The following TRPS1 variants were observed in gnomAD, a reference collection of about 807,000 sequenced individuals.
TRPS1 encodes the protein transcriptional repressor GATA binding 1, also known as zinc finger transcription factor Trps1.
TRPS1 carries 6 observed loss-of-function variants against 101.2 expected under a neutral mutation model. The ratio of observed to expected loss-of-function variants is 0.06; its 90% confidence interval spans 0.03 to 0.12. TRPS1 has a LOEUF of 0.12. Ranked by LOEUF, TRPS1 falls within the 10% of genes least tolerant of loss-of-function variation. The pLI is 1.00. For missense variants in TRPS1, 1,363 were observed against 1,567.0 expected (o/e 0.87, Z 2.20); for synonymous variants, 578 against 589.8 (o/e 0.98, Z 0.29).
chr8:115,507,009 G>A (rs1039611966), intron 5 of TRPS1, among the ~76,000 whole-genome samples: 17 of 152,000 alleles, frequency 1.1e-4, no homozygotes, highest in African/African-American at 4.1e-4. Context: ...AATAAAGATG[G>A]CTTAGTTTTA....
At chr8:115,627,488 C>A (rs1311935799) in intron 1 of TRPS1, among the ~76,000 whole-genome samples, 1 of 151,744 alleles carries the variant, frequency 6.6e-6, no homozygotes, top group Non-Finnish European at 1.5e-5. Context: ...CCAAGCACAG[C>A]ACTTAAATTC....
At chr8:115,421,286 C>A (rs2129782423) in intron 5 of TRPS1, among the ~76,000 whole-genome samples, 1 of 152,258 alleles carries the variant, frequency 6.6e-6, no homozygotes, top group South Asian at 2.1e-4. Context: ...TGCCCCGCTA[C>A]TGTGATTCTT....
In TRPS1 at chr8:115,632,474, G is replaced by A. The variant is rs533676179; in HGVS notation, c.-121-8716C>T. ...CCAGAAGTTTAATTTTAAAATGCGC[G>A]TACACACACAAACACACGTGCACAC... is the stretch of plus-strand genomic sequence containing the variant. On this transcript the variant is annotated intron_variant, in intron 1 of 6. Coordinates refer to ENST00000395715, the MANE Select transcript of TRPS1 (RefSeq NM_014112.5). Among the ~76,000 whole-genome samples the A allele has an allele frequency of 7.6e-4, 115 of 151,914 alleles. 1 individual carries two copies. The highest frequency in any genetic ancestry group is 2.4e-3 in the African/African-American group (100 of 41,448).
rs1388537069 is a variant in TRPS1, at chr8:115,587,412, T to C, written c.2289A>G (p.Leu763=). The C allele has an allele frequency of 1.2e-6, 2 of 1,614,078 alleles. No individual in the cohort carries two copies. Among genetic ancestry groups the C allele is most frequent in the Non-Finnish European group, 1.7e-6 (2 of 1,180,012 alleles). ...GCTCTCCCATTTTAGAGTCTGGAGTTAGCAGATTGTAGACCCTGAAGTCAA... is the reference window on the plus strand; with the variant it reads ...GCTCTCCCATTTTAGAGTCTGGAGTCAGCAGATTGTAGACCCTGAAGTCAA... ...PKIDFRVYNL[L]TPDSKMGEPV... Residue 763 remains leucine (L), a synonymous_variant, in exon 5 of 7, where the codon CTA becomes CTG. Transcript: ENST00000395715.
chr8:115,489,518 G>C (rs1814968858), intron 5 of TRPS1, among the ~76,000 whole-genome samples: 1 of 152,096 alleles, frequency 6.6e-6, no homozygotes, highest in Non-Finnish European at 1.5e-5. Flanking sequence ...TACTAATAAA[G>C]AGTTGGATTT....
chr8:115,584,218 T>A (rs185942028), intron 5 of TRPS1, among the ~76,000 whole-genome samples: 2 of 152,050 alleles, frequency 1.3e-5, no homozygotes, highest in African/African-American at 4.8e-5. Context: ...ATTCTTGATA[T>A]CACTCTGTAT....
intron 5 of TRPS1, among the ~76,000 whole-genome samples, chr8:115,540,880 TG>T (rs1469058840): frequency 6.6e-6 from 1 of 152,016 alleles, no homozygotes; most frequent in Non-Finnish European, 1.5e-5. Flanking sequence ...AATTTTCAAA[TG>T]CTTATGATCT....
At chr8:115,657,453 G>T (rs1376022735) in intron 1 of TRPS1, among the ~76,000 whole-genome samples, 1 of 152,108 alleles carries the variant, frequency 6.6e-6, no homozygotes, top group African/African-American at 2.4e-5. Flanking sequence ...GCCTGTGACT[G>T]ATGTTATTGA....
chr8:115,650,161 T>G (rs917765210), intron 1 of TRPS1, among the ~76,000 whole-genome samples: 5 of 152,232 alleles, frequency 3.3e-5, no homozygotes. Context: ...TTAACTAGCA[T>G]GTACTCTACA....
At chr8:115,641,977 T>C (rs918574803) in intron 1 of TRPS1, among the ~76,000 whole-genome samples, 4 of 152,202 alleles carry the variant, frequency 2.6e-5, no homozygotes, top group Admixed American at 2.6e-4. Flanking sequence ...TTTGGGAGAC[T>C]GAGATGGGAA....
chr8:115,550,076 G>T (rs1332958237), intron 5 of TRPS1, among the ~76,000 whole-genome samples: 1 of 152,068 alleles, frequency 6.6e-6, no homozygotes, highest in Non-Finnish European at 1.5e-5. Context: ...AATTAGCCAG[G>T]CGTGGTGGTG....
At chr8:115,553,148 A>C (rs1468030676) in intron 5 of TRPS1, among the ~76,000 whole-genome samples, 2 of 152,114 alleles carry the variant, frequency 1.3e-5, no homozygotes, top group Non-Finnish European at 2.9e-5. Flanking sequence ...TACCAAAATT[A>C]CATATTTTTA....
chr8:115,556,792 A>G (rs184186166), intron 5 of TRPS1, among the ~76,000 whole-genome samples: 2 of 152,232 alleles, frequency 1.3e-5, no homozygotes, highest in South Asian at 2.1e-4. Flanking sequence ...CCTATTTTTT[A>G]TGATGCTAAG....
intron 5 of TRPS1, among the ~76,000 whole-genome samples, chr8:115,585,080 A>T (rs1479199106): frequency 2.0e-5 from 3 of 152,152 alleles, no homozygotes; most frequent in Non-Finnish European, 4.4e-5. Flanking sequence ...GAAGATAATA[A>T]ATCATAGGGT....
At chr8:115,576,665 T>G (rs1817326632) in intron 5 of TRPS1, among the ~76,000 whole-genome samples, 1 of 152,006 alleles carries the variant, frequency 6.6e-6, no homozygotes, top group African/African-American at 2.4e-5. Context: ...ACATCTAATT[T>G]TACCAGAAAA....
chr8:115,583,326 T>C (rs1817492408), intron 5 of TRPS1, among the ~76,000 whole-genome samples: 1 of 152,078 alleles, frequency 6.6e-6, no homozygotes. Flanking sequence ...GACTATACTA[T>C]ACTACTTAGT....
Position 115,476,119 on chromosome 8 carries a change from C to T in TRPS1, c.2701-57667G>A, listed in dbSNP as rs572635898. Among the ~76,000 whole-genome samples the T allele has an allele frequency of 7.9e-3, 423 of 53,324 alleles. 129 individuals are homozygous for T. The highest frequency in any genetic ancestry group is 9.1e-3 in the Non-Finnish European group (329 of 36,032). 35.0% of individuals were successfully genotyped at this position (53,324 alleles called of 152,430 possible). ...CTGCAAGCTCCGCCTCCCGGGTTCA[C>T]GCCATTCTCCTGCCTCAGCCTCCCA... is the stretch of plus-strand genomic sequence containing the variant. On this transcript the variant is annotated intron_variant, in intron 5 of 6. Coordinates refer to ENST00000395715, the MANE Select transcript of TRPS1 (RefSeq NM_014112.5).
intron 4 of TRPS1, among the ~76,000 whole-genome samples, chr8:115,600,822 A>G (rs1427002265): frequency 1.3e-5 from 2 of 152,138 alleles, no homozygotes; most frequent in Non-Finnish European, 2.9e-5. Flanking sequence ...AGCAGTTAAT[A>G]GAGAGCAGGT....
chr8:115,481,551 T>C (rs1174527678), intron 5 of TRPS1, among the ~76,000 whole-genome samples: 3 of 152,130 alleles, frequency 2.0e-5, no homozygotes, highest in Admixed American at 6.6e-5. Context: ...TACCAGATCA[T>C]CAAAAAACTA....
Sources: allele counts gnomAD v4.1 joint callset (sites outside exome capture counted in the v4.1 genomes callset), GRCh38; gene constraint gnomAD v4.1.1; transcripts MANE v1.5; gene names NCBI Gene and HGNC (gene_info 2026-07-23, HGNC 2026-07-21).